EVC: variants seen among roughly 807,000 people sequenced by gnomAD.
EVC encodes EvC ciliary complex subunit 1, also known as evC complex member EVC.
A neutral mutation model predicts 118.9 loss-of-function variants in EVC; 116 were observed. The ratio of observed to expected loss-of-function variants is 0.98; its 90% CI spans 0.84 to 1.14. The LOEUF (loss-of-function observed/expected upper bound fraction) is 1.14, where lower values mean the gene tolerates loss of function less well. Among genes scored for constraint, EVC ranks in the 50% most tolerant of loss-of-function variants. The pLI is 0.00. For synonymous variants in EVC, 619 were observed against 534.7 expected (o/e 1.16, Z -2.18); for missense variants, 1,401 against 1,246.4 (o/e 1.12, Z -1.87).
intron 2 of EVC, among the ~76,000 whole-genome samples, chr4:5,728,782 T>G (rs1322329092): frequency 1.3e-5 from 2 of 152,240 alleles, no homozygotes; most frequent in Non-Finnish European, 2.9e-5. Flanking sequence ...GCTAAAATTA[T>G]TCTGTGTGTT....
the EVC span, among the ~76,000 whole-genome samples, chr4:5,822,373 A>G: frequency 6.6e-6 from 1 of 152,166 alleles, no homozygotes; most frequent in African/African-American, 2.4e-5. Flanking sequence ...CCCACACTCC[A>G]AAGGTATTTT....
At chr4:5,780,442 T>C (rs1375729028) in intron 11 of EVC, among the ~76,000 whole-genome samples, 2 of 152,256 alleles carry the variant, frequency 1.3e-5, no homozygotes, top group Non-Finnish European at 2.9e-5. Context: ...ATCTTCTCTG[T>C]GCCTCAGTTT....
chr4:5,716,696 G>A (rs1464975568), intron 1 of EVC, among the ~76,000 whole-genome samples: 1 of 152,192 alleles, frequency 6.6e-6, no homozygotes, highest in Non-Finnish European at 1.5e-5. Flanking sequence ...TGTTTTAGGC[G>A]ACTATTACCT....
At chr4:5,768,245 C>T (rs759608128) in intron 11 of EVC, among the ~76,000 whole-genome samples, 1 of 152,066 alleles carries the variant, frequency 6.6e-6, no homozygotes, top group Non-Finnish European at 1.5e-5. Flanking sequence ...CAGGAAATCA[C>T]CAGCATGTTT....
rs142897994 is a variant in EVC, at chr4:5,797,130, G to T, written c.1995G>T (p.Ser665=). Residue 665 remains serine (S), a synonymous_variant, in exon 14 of 21, where the codon TCG becomes TCT. Coordinates refer to ENST00000264956, the MANE Select transcript of EVC (RefSeq NM_153717.3). The stretch of plus-strand genomic sequence containing the variant: ...CCACCCTGACGCAGATGCGGCTATC[G>T]GGGAAGAAGCACCTCCTGCAGGAGC... ...ALATLTQMRL[S]GKKHLLQELR... is the part of the protein sequence containing the mutation. 4 of 1,613,504 alleles carry T rather than the reference G, an allele frequency of 2.5e-6. No homozygotes were observed. The Admixed American group carries it at 5.0e-5, about 20-fold the overall frequency.
chr4:5,809,333 T>G (rs1223277644), intron 18 of EVC, among the ~76,000 whole-genome samples, 185 bp from the exon 19 acceptor site: 1 of 152,192 alleles, frequency 6.6e-6, no homozygotes, highest in Non-Finnish European at 1.5e-5. Flanking sequence ...CAGCAGGAGC[T>G]GGTAGATGCC....
chr4:5,808,130 T>TCTCCCTCCCTCC, intron 17 of EVC, 71 bp from the exon 18 acceptor site: 1 of 314,872 alleles, frequency 3.2e-6, no homozygotes, highest in Non-Finnish European at 5.8e-6. Flanking sequence ...CTGCCTTCCT[T>TCTCCCTCCCTCC]CTCCCTCCCT....
intron 2 of EVC, among the ~76,000 whole-genome samples, chr4:5,726,782 T>G (rs1725921719): frequency 7.3e-6 from 1 of 137,352 alleles, no homozygotes; most frequent in Non-Finnish European, 1.5e-5. Flanking sequence ...CCATGTGATC[T>G]CATTGTTCAA....
At chr4:5,783,351 G>A (rs964294650) in intron 11 of EVC, among the ~76,000 whole-genome samples, 1 of 152,090 alleles carries the variant, frequency 6.6e-6, no homozygotes, top group Non-Finnish European at 1.5e-5. Context: ...TTACTTGTCT[G>A]TGTGTACAAG....
At chr4:5,767,169 G>A (rs1733015403) in intron 11 of EVC, among the ~76,000 whole-genome samples, 1 of 152,032 alleles carries the variant, frequency 6.6e-6, no homozygotes. Context: ...TGTGTGAGGT[G>A]TCAGTCTGCC....
intron 16 of EVC, among the ~76,000 whole-genome samples, chr4:5,802,691 T>A (rs1263114716): frequency 2.0e-5 from 3 of 152,140 alleles, no homozygotes; most frequent in African/African-American, 7.2e-5. Context: ...ATGTGCAGTT[T>A]GAAATAGGGT....
rs776973612 is a variant in EVC, at chr4:5,719,289, T to C, written c.216T>C (p.Asn72=). ...TQNLLKNLES[N]AQTPSETGSP... ...ATCTGCTCAAGAATTTGGAGTCTAA[T>C]GCGCAGACCCCCTCGGAAACTGGCT... is the stretch of plus-strand genomic sequence containing the variant. Residue 72 remains asparagine (N), a synonymous_variant, in exon 2 of 21, where the codon AAT becomes AAC. Transcript: ENST00000264956. This position sits in a 1 kb window ranked among gnomAD's most constrained non-coding sequence, Gnocchi z 4.7. The C allele has an allele frequency of 1.9e-6, 3 of 1,614,136 alleles. No homozygotes were observed. Among genetic ancestry groups the C allele is most frequent in the East Asian group, 4.5e-5 (2 of 44,866 alleles).
At chr4:5,818,554 A>G (rs960495886), downstream of EVC, among the ~76,000 whole-genome samples, 2 of 152,120 alleles carry the variant, frequency 1.3e-5, no homozygotes, top group Non-Finnish European at 2.9e-5. Context: ...TCATGAATGG[A>G]TTAATTCATT....
the EVC span, among the ~76,000 whole-genome samples, chr4:5,822,886 C>T: frequency 6.6e-6 from 1 of 152,196 alleles, no homozygotes; most frequent in Non-Finnish European, 1.5e-5. Context: ...TGCACAAAGC[C>T]CTCTTCGGCA....
chr4:5,712,814 C>G (rs956687964), intron 1 of EVC, among the ~76,000 whole-genome samples: 1 of 152,154 alleles, frequency 6.6e-6, no homozygotes, highest in African/African-American at 2.4e-5. Context: ...TGGCTTGTTG[C>G]ATGGAGAGAG....
At chr4:5,794,409 T>A (rs987478819) in intron 13 of EVC, among the ~76,000 whole-genome samples, 4 of 145,438 alleles carry the variant, frequency 2.8e-5, no homozygotes, top group East Asian at 2.0e-4. Flanking sequence ...TATATATATT[T>A]TTTTTCTTTT....
the EVC span, chr4:5,824,998 C>T: frequency 1.0e-6 from 1 of 985,248 alleles, no homozygotes; most frequent in Non-Finnish European, 1.2e-6. Context: ...GCTTCCGTTT[C>T]CTCTTTAAAT....
chr4:5,791,931 C>G (rs11735828), intron 12 of EVC, among the ~76,000 whole-genome samples: 22,611 of 152,224 alleles, frequency 0.15, 2,158 homozygotes, highest in South Asian at 0.31. Flanking sequence ...TCTACACATT[C>G]TCCCTTGCTG....
intron 11 of EVC, among the ~76,000 whole-genome samples, chr4:5,769,581 C>T (rs1327875736): frequency 1.3e-5 from 2 of 152,172 alleles, no homozygotes; most frequent in East Asian, 3.9e-4. Flanking sequence ...CAGGTTGCTG[C>T]ACCAAAGCCA....
Sources: allele counts gnomAD v4.1 joint callset (sites outside exome capture counted in the v4.1 genomes callset), GRCh38; gene constraint gnomAD v4.1.1; non-coding constraint Gnocchi (gnomAD v3.1); transcripts MANE v1.5; gene names NCBI Gene and HGNC (gene_info 2026-07-23, HGNC 2026-07-21).